Variants in TMPRSS6 observed in about 807,000 individuals in gnomAD.
The protein encoded by TMPRSS6 is transmembrane serine protease 6.
In TMPRSS6, 67 loss-of-function variants were observed where a neutral mutation model predicts 101.5. The ratio of observed to expected loss-of-function variants is 0.66; its 90% confidence interval spans 0.54 to 0.81. The LOEUF is 0.81. Among genes scored for constraint, TMPRSS6 ranks in the 30% least tolerant of loss-of-function variants. TMPRSS6 has a pLI of 0.00. For synonymous variants in TMPRSS6, 453 were observed against 464.9 expected, an observed-to-expected ratio of 0.97 and a Z score of 0.33; for missense variants, 1,034 against 1,088.7, an observed-to-expected ratio of 0.95 and a Z score of 0.71.
chr22:37,085,810 C>A (rs568076614), intron 8 of TMPRSS6, among the ~76,000 whole-genome samples: 1 of 152,160 alleles, frequency 6.6e-6, no homozygotes, highest in East Asian at 1.9e-4. Flanking sequence ...TGGCTGTAAG[C>A]GGACTGTCTA....
At chr22:37,105,578 A>T (rs933112500) in intron 1 of TMPRSS6, among the ~76,000 whole-genome samples, 4 of 152,196 alleles carry the variant, frequency 2.6e-5, no homozygotes, top group African/African-American at 7.2e-5. Context: ...GGTTTGCTGG[A>T]TTGGGAAGAT....
intron 9 of TMPRSS6, 26 bp downstream of exon 9, chr22:37,084,701 G>A (rs1407871263): frequency 6.5e-7 from 1 of 1,534,054 alleles, no homozygotes; most frequent in Non-Finnish European, 8.8e-7. Context: ...GCAGAGGGCA[G>A]GTGGGCAGGC....
In TMPRSS6 at chr22:37,103,485, G is replaced by A. The variant is rs73884547; in HGVS notation, c.-1-67C>T. 1.9e-3 allele frequency: 3,097 copies of A among 1,614,218 alleles called. 54 individuals are homozygous for A. In the African/African-American group the frequency reaches 0.034, roughly 18 times the overall value. ...TGCAAGGGAGCCTCTGCTGAGCACC[G>A]GTGGGGCACGGAAGCAGGACTTCCC... On this transcript the variant is annotated intron_variant, in intron 1 of 17. Transcript: ENST00000676104. The surrounding 1 kb of genome is among the most constrained non-coding windows in gnomAD (Gnocchi z 4.4).
At chr22:37,077,615 C>T (rs1229722757) in intron 10 of TMPRSS6, among the ~76,000 whole-genome samples, 8 of 152,112 alleles carry the variant, frequency 5.3e-5, no homozygotes, top group South Asian at 2.1e-4. Flanking sequence ...TCGAAGGTCC[C>T]GCCTGTAGTC....
chr22:37,091,675 A>C (rs1167570469), intron 6 of TMPRSS6, among the ~76,000 whole-genome samples: 1 of 152,192 alleles, frequency 6.6e-6, no homozygotes, highest in East Asian at 1.9e-4. Flanking sequence ...CTGACTTACT[A>C]TTGGTTGCAG....
intron 13 of TMPRSS6, among the ~76,000 whole-genome samples, chr22:37,072,383 G>A (rs1159217225): frequency 7.2e-6 from 1 of 139,792 alleles, no homozygotes; most frequent in Admixed American, 7.1e-5. Flanking sequence ...TGGATGGATG[G>A]ATGATGGATC....
Position 37,071,043 on chromosome 22 carries a change from G to C in TMPRSS6, c.1556-11C>G, listed in dbSNP as rs1326842892. The C allele has an allele frequency of 6.2e-7, 1 of 1,611,466 alleles. No individual in the cohort carries two copies. Among genetic ancestry groups the C allele is most frequent in the African/African-American group, 1.3e-5 (1 of 74,912 alleles). The stretch of plus-strand genomic sequence containing the variant: ...TCCCACATGGCACCCCTGGGACAGA[G>C]GGGATGGGGGCAGGGCACAGAAGGT... On this transcript the variant is annotated splice_polypyrimidine_tract_variant and intron_variant, in intron 13 of 17. Coordinates refer to ENST00000676104, the MANE Select transcript of TMPRSS6 (RefSeq NM_001374504.1).
At chr22:37,076,426 C>A (rs1927676779) in intron 10 of TMPRSS6, among the ~76,000 whole-genome samples, 1 of 152,208 alleles carries the variant, frequency 6.6e-6, no homozygotes, top group South Asian at 2.1e-4. Context: ...ACAACACCGC[C>A]CCTGCACCCC....
chr22:37,075,052 G>T (rs1927496830), intron 11 of TMPRSS6, 83 bp downstream of exon 11: 2 of 1,603,162 alleles, frequency 1.2e-6, no homozygotes, highest in Admixed American at 1.7e-5. Flanking sequence ...ATAAGCAGCT[G>T]CCCACAGCCC....
chr22:37,074,587 G>A (rs373885799), intron 12 of TMPRSS6, 23 bp downstream of exon 12: 1 of 1,608,186 alleles, frequency 6.2e-7, no homozygotes, highest in Non-Finnish European at 8.5e-7. Context: ...GGGAGAGGAG[G>A]GATGCGCGGG....
intron 6 of TMPRSS6, among the ~76,000 whole-genome samples, chr22:37,094,450 TAGAC>T (rs755762092): frequency 8.6e-5 from 13 of 151,694 alleles, no homozygotes; most frequent in African/African-American, 1.2e-4. Context: ...GCTAGCTAGC[TAGAC>T]AGACAGAGAC....
At chr22:37,070,676 G>T in intron 14 of TMPRSS6, 24 bp from the exon 15 acceptor site, 1 of 1,608,094 alleles carries the variant, frequency 6.2e-7, no homozygotes, top group Non-Finnish European at 8.5e-7. Flanking sequence ...CAGGTGGTGG[G>T]GTGGACAGAG....
rs148013172 is a variant in TMPRSS6 at position 37,105,158 on chromosome 22, A to G, written c.-1-1740T>C. On this transcript the variant is annotated intron_variant, in intron 1 of 17. Coordinates refer to ENST00000676104, the MANE Select transcript of TMPRSS6 (RefSeq NM_001374504.1). ...CTGGCTCCCTCCAGCTCCCCTTGGC[A>G]TCGTTCCCAGCTAAGGGTCTTTGGT... 3.7e-3 allele frequency among the ~76,000 whole-genome samples: 564 copies of G among 152,040 alleles called. 4 individuals are homozygous for G. The highest frequency in any genetic ancestry group is 0.013 in the African/African-American group (537 of 41,470).
chr22:37,093,832 G>A (rs1004335151), intron 6 of TMPRSS6, among the ~76,000 whole-genome samples: 9 of 151,746 alleles, frequency 5.9e-5, no homozygotes, highest in Non-Finnish European at 1.3e-4. Context: ...AGACCAGCCT[G>A]GCCAACACGG....
intron 14 of TMPRSS6, 89 bp downstream of exon 14, chr22:37,070,827 G>A: frequency 7.1e-7 from 1 of 1,407,486 alleles, no homozygotes; most frequent in Non-Finnish European, 1.0e-6. Flanking sequence ...AGAGACCAGG[G>A]GACAACAGTG....
Position 37,084,794 on chromosome 22 carries a change from C to G in TMPRSS6, c.1019G>C (p.Gly340Ala), listed in dbSNP as rs1348833401. Residue 340 changes from glycine to alanine, a missense_variant, in exon 9 of 18, where the codon GGC (glycine) becomes GCC (alanine). By Grantham distance (60) the Gly-to-Ala change is moderately conservative. Coordinates refer to ENST00000676104, the MANE Select transcript of TMPRSS6 (RefSeq NM_001374504.1). The stretch of plus-strand genomic sequence containing the variant: ...GGGGAAGTACGGGGTGCTGAGGACG[C>G]CCTGGGAGTCGAGCCTGTTGTCCAG... ...LTLDNRLDSQGVLSTPYFPSY... is the reference protein window; with the variant it reads ...LTLDNRLDSQAVLSTPYFPSY... The G allele has an allele frequency of 1.3e-6, 2 of 1,563,464 alleles. No homozygotes were observed. Among genetic ancestry groups the G allele is most frequent in the East Asian group, 4.7e-5 (2 of 42,364 alleles).
chr22:37,073,700 G>C, intron 12 of TMPRSS6, 55 bp from the exon 13 acceptor site: 2 of 1,199,568 alleles, frequency 1.7e-6, no homozygotes, highest in Non-Finnish European at 2.5e-6. Flanking sequence ...GAGCCAGCCG[G>C]GGCTTGGCGA....
intron 10 of TMPRSS6, among the ~76,000 whole-genome samples, chr22:37,078,555 A>G (rs569686576): frequency 2.0e-5 from 3 of 152,300 alleles, no homozygotes; most frequent in African/African-American, 7.2e-5. Context: ...GCAGCGGCTG[A>G]AATCTAGTGG....
At chr22:37,109,319 C>G (rs980681423) in intron 1 of TMPRSS6, 184 bp downstream of exon 1, 1 of 152,818 alleles carries the variant, frequency 6.5e-6, no homozygotes, top group African/African-American at 2.4e-5. Flanking sequence ...CTCCCCTCCC[C>G]AGCTCTGTGG....
Sources: allele counts gnomAD v4.1 joint callset (sites outside exome capture counted in the v4.1 genomes callset), GRCh38; gene constraint gnomAD v4.1.1; non-coding constraint Gnocchi (gnomAD v3.1); transcripts MANE v1.5; gene names NCBI Gene and HGNC (gene_info 2026-07-23, HGNC 2026-07-21).